PURG: variants seen among roughly 807,000 people sequenced by gnomAD.
PURG encodes the protein purine-rich element-binding protein gamma.
A neutral mutation model predicts 24.3 loss-of-function variants in PURG; 3 were observed. The ratio of observed to expected loss-of-function variants is 0.12; its 90% CI spans 0.06 to 0.32. PURG has a LOEUF of 0.32. Ranked by LOEUF, PURG falls within the 10% of genes least tolerant of loss-of-function variation. The pLI is 1.00. For synonymous variants in PURG, 180 were observed against 173.1 expected, an observed-to-expected ratio of 1.04 and a Z score of -0.31; for missense variants, 371 against 439.1, an observed-to-expected ratio of 0.84 and a Z score of 1.39.
At chr8:31,003,787 CA>C (rs1563303524) in intron 1 of PURG, among the ~76,000 whole-genome samples, 1 of 151,234 alleles carries the variant, frequency 6.6e-6, no homozygotes, top group South Asian at 2.1e-4. Context: ...AACAAAAAAA[CA>C]AAAAAAACAC....
intron 1 of PURG, among the ~76,000 whole-genome samples, chr8:31,008,595 C>G (rs1810702323): frequency 6.6e-6 from 1 of 152,202 alleles, no homozygotes; most frequent in African/African-American, 2.4e-5. Flanking sequence ...AGCCACTGCA[C>G]CTGGTTGCAT....
chr8:31,022,708 A>G (rs993432452), intron 1 of PURG, among the ~76,000 whole-genome samples: 5 of 152,252 alleles, frequency 3.3e-5, no homozygotes, highest in African/African-American at 1.2e-4. Flanking sequence ...ACAACTGATT[A>G]TAACATGAGA....
chr8:31,030,423 C>T (rs926337387), downstream of PURG, among the ~76,000 whole-genome samples: 1 of 151,862 alleles, frequency 6.6e-6, no homozygotes, highest in Non-Finnish European at 1.5e-5. Flanking sequence ...TGGGTTGGTA[C>T]ACATATAACA....
At chr8:31,013,227 A>T (rs1222680653) in intron 1 of PURG, among the ~76,000 whole-genome samples, 1 of 152,248 alleles carries the variant, frequency 6.6e-6, no homozygotes, top group Non-Finnish European at 1.5e-5. Flanking sequence ...TCAACAAACC[A>T]AATCACATAG....
At chr8:31,024,838 A>C (rs978591125) in intron 1 of PURG, among the ~76,000 whole-genome samples, 1 of 152,196 alleles carries the variant, frequency 6.6e-6, no homozygotes, top group South Asian at 2.1e-4. Context: ...CCAGTCTTAC[A>C]CTTTGAGCAA....
Position 31,016,506 on chromosome 8 carries a change from C to T in PURG, c.864+15413G>A, listed in dbSNP as rs1021418535. On this transcript the variant is annotated intron_variant, in intron 1 of 1. Transcript: ENST00000339382. ...AAATCATCATTCCATGGTGTCATGA[C>T]TGACAGTATTTAAAACTTAAGCAAT... 2.8e-5 allele frequency among the ~76,000 whole-genome samples: 4 copies of T among 140,426 alleles called. No individual in the cohort carries two copies. In the South Asian group the frequency reaches 9.0e-4, roughly 32 times the overall value. 92.1% of individuals were successfully genotyped at this position (140,426 alleles called of 152,430 possible). A position where few individuals can be genotyped will look rare whatever the true frequency, so the allele number is the denominator to read the frequency against.
At chr8:31,020,299 G>A (rs528944991) in intron 1 of PURG, among the ~76,000 whole-genome samples, 4 of 152,208 alleles carry the variant, frequency 2.6e-5, no homozygotes, top group East Asian at 1.9e-4. Flanking sequence ...TTTACTTAGC[G>A]TATTCTAGTA....
Position 30,999,936 on chromosome 8 carries a change from T to C in PURG, c.865-3239A>G, listed in dbSNP as rs1810504370. On this transcript the variant is annotated intron_variant, in intron 1 of 1. Coordinates refer to the PURG transcript ENST00000339382. The stretch of plus-strand genomic sequence containing the variant: ...GTTTAGGCGAATTTTAGTAATACTC[T>C]GCCATGCAATGTACATAAGTCGTAT... Among the ~76,000 whole-genome samples, 3 of 151,578 alleles carry C rather than the reference T, an allele frequency of 2.0e-5. No homozygotes were observed. In the South Asian group the frequency reaches 6.2e-4, roughly 31 times the overall value.
intron 1 of PURG, among the ~76,000 whole-genome samples, chr8:31,024,400 C>T (rs1274362514): frequency 6.6e-6 from 1 of 152,078 alleles, no homozygotes; most frequent in Non-Finnish European, 1.5e-5. Context: ...ATGAGGAAAT[C>T]ATCCAACAGA....
chr8:31,000,221 T>C (rs895083752), intron 1 of PURG, among the ~76,000 whole-genome samples: 9 of 152,188 alleles, frequency 5.9e-5, no homozygotes, highest in Admixed American at 4.6e-4. Flanking sequence ...ATGGAAATGT[T>C]CAGAGATAAT....
Position 31,032,828 on chromosome 8 carries a change from G to T in PURG, c.-6-40C>A. The T allele has an allele frequency of 7.5e-7, 1 of 1,325,506 alleles. No individual in the cohort carries two copies. The highest frequency in any genetic ancestry group is 9.7e-7 in the Non-Finnish European group (1 of 1,032,410). 82.1% of individuals were successfully genotyped at this position (1,325,506 alleles called of 1,614,324 possible). On this transcript the variant is annotated intron_variant, in intron 1 of 1. Transcript: ENST00000523392. This position sits in a 1 kb window ranked among gnomAD's most constrained non-coding sequence, Gnocchi z 5.9. The stretch of plus-strand genomic sequence containing the variant: ...CAGACACACGGGATGGGGTGGGGGA[G>T]GGGTGTTGAGAACAATCGCAGACGC...
At chr8:31,015,474 A>T (rs1373153697) in intron 1 of PURG, among the ~76,000 whole-genome samples, 10 of 151,120 alleles carry the variant, frequency 6.6e-5, no homozygotes, top group Admixed American at 6.6e-4. Context: ...ATATATTTTA[A>T]AAAAAAAAGA....
chr8:30,996,740 T>G, intron 1 of PURG: 2 of 1,399,390 alleles, frequency 1.4e-6, no homozygotes, highest in African/African-American at 2.8e-5. Flanking sequence ...ACATGAAGTT[T>G]TCAAGGGAGT....
intron 1 of PURG, among the ~76,000 whole-genome samples, chr8:31,013,072 T>C (rs1390068585): frequency 3.9e-5 from 6 of 152,198 alleles, no homozygotes; most frequent in African/African-American, 1.4e-4. Context: ...AACATTTGCA[T>C]CAAATAAAAT....
intron 1 of PURG, among the ~76,000 whole-genome samples, chr8:31,005,542 T>G (rs796229978): frequency 5.9e-5 from 9 of 151,860 alleles, no homozygotes; most frequent in African/African-American, 2.2e-4. Context: ...ATCTGATCAG[T>G]GGTTGCTTTT....
At chr8:31,022,253 G>A (rs993296772) in intron 1 of PURG, among the ~76,000 whole-genome samples, 10 of 152,278 alleles carry the variant, frequency 6.6e-5, no homozygotes, top group African/African-American at 1.9e-4. Context: ...TTACAGGCAT[G>A]AGCCACCACA....
intron 1 of PURG, among the ~76,000 whole-genome samples, chr8:31,019,258 A>T (rs949352700): frequency 2.1e-5 from 3 of 142,432 alleles, no homozygotes; most frequent in Admixed American, 7.1e-5. Flanking sequence ...TCAAGCATAG[A>T]ATAAATTATT....
chr8:31,031,520 TA>T lies in PURG; in HGVS notation c.*218del, dbSNP rs1251883608. ...AATAGTCTGGAGCAGTTGAAGCAGCTAAACTATTTAGCTCTGGGAAGGTTGG... is the reference window on the plus strand; with the variant it reads ...AATAGTCTGGAGCAGTTGAAGCAGCTAACTATTTAGCTCTGGGAAGGTTGG... On this transcript the variant is annotated 3_prime_UTR_variant, in exon 2 of 2. Transcript: ENST00000523392. The T allele has an allele frequency of 1.2e-5, 7 of 563,398 alleles. No homozygotes were observed. Among genetic ancestry groups the T allele is most frequent in the Admixed American group, 3.2e-5 (1 of 31,274 alleles). The allele number at this position is 563,398 out of a possible 1,614,324, so 34.9% of individuals were successfully genotyped here. A position where few individuals can be genotyped will look rare whatever the true frequency, so the allele number is the denominator to read the frequency against.
At chr8:31,016,590 A>AAC (rs1563307249) in intron 1 of PURG, among the ~76,000 whole-genome samples, 2 of 142,144 alleles carry the variant, frequency 1.4e-5, no homozygotes, top group Admixed American at 7.7e-5. Context: ...CCAAAAAAAA[A>AAC]AAAAAAAAAA....
Sources: allele counts gnomAD v4.1 joint callset (sites outside exome capture counted in the v4.1 genomes callset), GRCh38; gene constraint gnomAD v4.1.1; non-coding constraint Gnocchi (gnomAD v3.1); transcripts MANE v1.5; gene names NCBI Gene and HGNC (gene_info 2026-07-23, HGNC 2026-07-21).